Variants in RBMS3 observed in about 807,000 individuals in gnomAD.
The protein encoded by RBMS3 is RNA binding motif single stranded interacting protein 3, also known as RNA-binding motif, single-stranded-interacting protein 3.
A neutral mutation model predicts 66.8 loss-of-function variants in RBMS3; 27 were observed. The ratio of observed to expected loss-of-function variants is 0.40; its 90% CI spans 0.30 to 0.56. The LOEUF (loss-of-function observed/expected upper bound fraction) is 0.56, where lower values mean the gene tolerates loss of function less well. RBMS3 is among the 20% of genes least tolerant of loss of function. RBMS3 has a pLI of 0.40. For synonymous variants in RBMS3, 188 were observed against 183.0 expected (o/e 1.03, Z -0.22); for missense variants, 513 against 549.5 (o/e 0.93, Z 0.66).
At chr3:29,456,253 T>C (rs2042186184) in intron 2 of RBMS3, among the ~76,000 whole-genome samples, 1 of 152,208 alleles carries the variant, frequency 6.6e-6, no homozygotes, top group Admixed American at 6.5e-5. Context: ...AAGTATCCTT[T>C]ATTTATCTTG....
chr3:29,976,071 TTGA>T (rs1419139499), intron 12 of RBMS3, among the ~76,000 whole-genome samples: 3 of 152,012 alleles, frequency 2.0e-5, no homozygotes, highest in African/African-American at 7.2e-5. Flanking sequence ...ATTTTGGTTT[TTGA>T]TGATATATAT....
At position 29,329,479 on chromosome 3, in the gene RBMS3, T is replaced by G. The variant is rs539393302; in HGVS notation, c.75+47723T>G. On this transcript the variant is annotated intron_variant, in intron 1 of 14. Transcript: ENST00000383767. ...ATACAATAAAAGCCACAGGAAGCAT[T>G]TATTAAAAGACTCATAATGAAACCA... is the stretch of plus-strand genomic sequence containing the variant. 5.9e-5 allele frequency among the ~76,000 whole-genome samples: 9 copies of G among 152,172 alleles called. No individual in the cohort carries two copies. The East Asian group carries it at 1.7e-3, about 29-fold the overall frequency.
At chr3:29,564,031 GAA>G (rs2046651205) in intron 3 of RBMS3, among the ~76,000 whole-genome samples, 1 of 150,760 alleles carries the variant, frequency 6.6e-6, no homozygotes, top group Non-Finnish European at 1.5e-5. Context: ...AAAGAAAAAA[GAA>G]GAGAAGAAAA....
intron 12 of RBMS3, among the ~76,000 whole-genome samples, chr3:29,951,913 C>T (rs1232653153): frequency 6.6e-6 from 1 of 151,630 alleles, no homozygotes; most frequent in Non-Finnish European, 1.5e-5. Context: ...CTAAAACATA[C>T]ACATGAAAAA....
chr3:29,890,547 T>C (rs2059975854), intron 8 of RBMS3, among the ~76,000 whole-genome samples: 1 of 151,608 alleles, frequency 6.6e-6, no homozygotes, highest in South Asian at 2.1e-4. Flanking sequence ...TGCTTAATGC[T>C]GATTCACTTG....
chr3:29,662,634 C>T (rs1260450142), intron 4 of RBMS3, among the ~76,000 whole-genome samples: 1 of 152,174 alleles, frequency 6.6e-6, no homozygotes, highest in Non-Finnish European at 1.5e-5. Context: ...GTGCTCTGAT[C>T]ATACTTACTT....
chr3:29,964,617 T>G (rs1696708289), intron 12 of RBMS3, among the ~76,000 whole-genome samples: 1 of 152,214 alleles, frequency 6.6e-6, no homozygotes, highest in Non-Finnish European at 1.5e-5. Flanking sequence ...GAAAACTAAC[T>G]GGTAACCTTT....
chr3:29,785,117 T>C (rs905190856), intron 6 of RBMS3, among the ~76,000 whole-genome samples: 1 of 152,072 alleles, frequency 6.6e-6, no homozygotes, highest in African/African-American at 2.4e-5. Context: ...GCCAGTCCTA[T>C]TGACACTATT....
At chr3:29,369,948 A>C (rs1370459706) in intron 1 of RBMS3, among the ~76,000 whole-genome samples, 1 of 152,054 alleles carries the variant, frequency 6.6e-6, no homozygotes, top group Non-Finnish European at 1.5e-5. Flanking sequence ...AATTAATCTG[A>C]AGATACAATG....
chr3:29,799,507 G>T (rs1403672049), intron 6 of RBMS3, among the ~76,000 whole-genome samples: 1 of 152,102 alleles, frequency 6.6e-6, no homozygotes, highest in African/African-American at 2.4e-5. Flanking sequence ...TGGAAGGAAA[G>T]ACTTTTACTC....
intron 3 of RBMS3, among the ~76,000 whole-genome samples, chr3:29,544,931 T>G (rs1276308681): frequency 2.0e-5 from 3 of 152,154 alleles, no homozygotes; most frequent in African/African-American, 7.2e-5. Context: ...GGATAGGCAA[T>G]ATTGAGGCCA....
At position 29,506,411 on chromosome 3, in the gene RBMS3, C is replaced by T. The variant is rs2044182362; in HGVS notation, c.307+17912C>T. Among the ~76,000 whole-genome samples, 3 of 151,958 alleles carry T rather than the reference C, an allele frequency of 2.0e-5. No homozygotes were observed. The South Asian group carries it at 6.2e-4, about 31-fold the overall frequency. Reference sequence around the variant, plus strand: ...ATTTATGTATGTTGAACCACCTTTACATCACTGGAATAAATTGCACTTGAT... The same window carrying T: ...ATTTATGTATGTTGAACCACCTTTATATCACTGGAATAAATTGCACTTGAT... On this transcript the variant is annotated intron_variant, in intron 3 of 14. Transcript: ENST00000383767.
intron 3 of RBMS3, among the ~76,000 whole-genome samples, chr3:29,498,731 A>C (rs1270922799): frequency 3.3e-5 from 5 of 152,220 alleles, no homozygotes; most frequent in African/African-American, 1.2e-4. Flanking sequence ...TGTTTGTTAT[A>C]TGCCGGGCAC....
intron 2 of RBMS3, among the ~76,000 whole-genome samples, chr3:29,464,874 C>T (rs1294426811): frequency 2.6e-5 from 4 of 152,238 alleles, no homozygotes; most frequent in East Asian, 1.9e-4. Flanking sequence ...CAATCATGGC[C>T]ACTCTGTATC....
chr3:29,521,733 A>G (rs1431631971), intron 3 of RBMS3, among the ~76,000 whole-genome samples: 1 of 152,190 alleles, frequency 6.6e-6, no homozygotes, highest in East Asian at 1.9e-4. Context: ...GAGTGCTATC[A>G]TTATCTTCAT....
intron 1 of RBMS3, among the ~76,000 whole-genome samples, chr3:29,287,740 A>G (rs1044810219): frequency 6.6e-6 from 1 of 152,062 alleles, no homozygotes; most frequent in Non-Finnish European, 1.5e-5. Context: ...TAATAAATCT[A>G]TAGGATTAAT....
chr3:29,293,036 G>A (rs571631771), intron 1 of RBMS3, among the ~76,000 whole-genome samples: 6 of 151,728 alleles, frequency 4.0e-5, no homozygotes, highest in Non-Finnish European at 7.4e-5. Flanking sequence ...TTTTGCACTT[G>A]TTGCAGCATT....
intron 3 of RBMS3, among the ~76,000 whole-genome samples, chr3:29,506,498 A>C (rs1353584848): frequency 6.6e-6 from 1 of 151,730 alleles, no homozygotes; most frequent in Non-Finnish European, 1.5e-5. Flanking sequence ...TGTTGAGGTT[A>C]TTTACATCTA....
chr3:29,828,390 T>C (rs375733693), intron 6 of RBMS3, among the ~76,000 whole-genome samples: 1 of 152,154 alleles, frequency 6.6e-6, no homozygotes, highest in African/African-American at 2.4e-5. Context: ...ATCACTTATG[T>C]GTACTGCTCA....
Sources: gnomAD v4.1 joint callset for allele counts (sites outside exome capture counted in the v4.1 genomes callset) on GRCh38, gnomAD v4.1.1 for gene constraint, MANE v1.5 for transcripts, NCBI Gene and HGNC (gene_info 2026-07-23, HGNC 2026-07-21) for gene names.